HDAC4: variants seen among roughly 807,000 people sequenced by gnomAD.
HDAC4 encodes the protein histone deacetylase 4.
In HDAC4, 16 loss-of-function variants were observed where a neutral mutation model predicts 135.1. The ratio of observed to expected loss-of-function variants is 0.12; its 90% CI spans 0.08 to 0.18. The LOEUF (loss-of-function observed/expected upper bound fraction) is 0.18. HDAC4 is among the 10% of genes least tolerant of loss of function. The probability of loss-of-function intolerance (pLI) is 1.00; values close to 1 mark genes in which losing one functional copy is unlikely to be tolerated. For synonymous variants in HDAC4, 685 were observed against 653.4 expected (o/e 1.05, Z -0.74); for missense variants, 1,143 against 1,511.8 (o/e 0.76, Z 4.05).
At chr2:239,343,891 T>C (rs1692456510) in intron 2 of HDAC4, among the ~76,000 whole-genome samples, 4 of 152,192 alleles carry the variant, frequency 2.6e-5, no homozygotes, top group Admixed American at 2.6e-4. Context: ...GGTTTCCTCA[T>C]CTACAAAACA....
chr2:239,293,189 T>C (rs77449526), intron 2 of HDAC4, among the ~76,000 whole-genome samples: 4,875 of 152,242 alleles, frequency 0.032, 271 homozygotes, highest in African/African-American at 0.11. Context: ...TTTGTGTCCA[T>C]GGGATACAAA....
chr2:239,146,876 C>T lies in HDAC4; in HGVS notation c.734-2162G>A, dbSNP rs1302184889. Among the ~76,000 whole-genome samples the T allele has an allele frequency of 6.6e-6, 1 of 152,146 alleles. No homozygotes were observed. The highest frequency in any genetic ancestry group is 1.5e-5 in the Non-Finnish European group (1 of 68,030). ...TCTTCTGTCCCCTCACCTGTTTACC[C>T]CCTGCCTCCCAGCCTGCACACCTGC... On this transcript the variant is annotated intron_variant, in intron 7 of 26. Coordinates refer to ENST00000543185, the MANE Select transcript of HDAC4 (RefSeq NM_001378414.1). This position sits in a 1 kb window ranked among gnomAD's most constrained non-coding sequence, Gnocchi z 4.5.
chr2:239,281,065 TAATGTACACACGACTCTC>T (rs2050699838), intron 2 of HDAC4, among the ~76,000 whole-genome samples: 1 of 111,902 alleles, frequency 8.9e-6, no homozygotes, highest in Admixed American at 9.3e-5. Flanking sequence ...ACACCACTCT[TAATGTACACACGACTCTC>T]AATGTACACA....
chr2:239,301,048 T>C (rs1399652703), intron 2 of HDAC4, among the ~76,000 whole-genome samples: 1 of 152,196 alleles, frequency 6.6e-6, no homozygotes, highest in Non-Finnish European at 1.5e-5. Flanking sequence ...TCATTCCTCC[T>C]GCTGCTGCTG....
At chr2:239,324,942 A>G (rs1283143090) in intron 2 of HDAC4, among the ~76,000 whole-genome samples, 1 of 152,246 alleles carries the variant, frequency 6.6e-6, no homozygotes, top group Non-Finnish European at 1.5e-5. Flanking sequence ...TTCAGAAATG[A>G]GCAAGATCTT....
rs58289122 is a variant in HDAC4, at chr2:239,363,132, A to G, written c.-219-10214T>C. 4.5e-3 allele frequency among the ~76,000 whole-genome samples: 680 copies of G among 152,348 alleles called. 4 individuals carry two copies. Among genetic ancestry groups the G allele is most frequent in the African/African-American group, 0.016 (654 of 41,574 alleles). ...GTAGAAGAATTCTACATAGAAAACT[A>G]TAAAACGTAAGTGAAATTAGAGATC... is the stretch of plus-strand genomic sequence containing the variant. On this transcript the variant is annotated intron_variant, in intron 1 of 26. Transcript: ENST00000543185.
intron 1 of HDAC4, among the ~76,000 whole-genome samples, chr2:239,389,601 T>C (rs778685940): frequency 6.6e-6 from 1 of 152,102 alleles, no homozygotes; most frequent in Non-Finnish European, 1.5e-5. Flanking sequence ...AGAGGCCCGC[T>C]AAGGGATTCT....
chr2:239,057,067 A>G (rs13420067), intron 24 of HDAC4, among the ~76,000 whole-genome samples: 5,176 of 152,326 alleles, frequency 0.034, 284 homozygotes, highest in African/African-American at 0.12. Flanking sequence ...GGTGACATCC[A>G]AATACATTCT....
At chr2:239,096,836 C>A (rs2037145320) in intron 16 of HDAC4, among the ~76,000 whole-genome samples, 1 of 143,976 alleles carries the variant, frequency 6.9e-6, no homozygotes, top group African/African-American at 2.6e-5. Context: ...CTGACTCAGG[C>A]TCTTCTCACT....
intron 2 of HDAC4, among the ~76,000 whole-genome samples, chr2:239,270,198 C>A (rs949746979): frequency 6.6e-6 from 1 of 152,204 alleles, no homozygotes; most frequent in African/African-American, 2.4e-5. Flanking sequence ...TGCACTGGAG[C>A]AGCTGTGTGG....
At position 239,398,298 on chromosome 2, in the gene HDAC4, C is replaced by T. The variant is rs529589758; in HGVS notation, c.-220+2680G>A. Among the ~76,000 whole-genome samples, 3 of 152,336 alleles carry T rather than the reference C, an allele frequency of 2.0e-5. No individual in the cohort carries two copies. In the South Asian group the frequency reaches 6.2e-4, roughly 32 times the overall value. ...CTACAGGAGTGATGAAATGTTTCTTCTGCTCCGGCAATTAAGACAGCATAA... is the reference window on the plus strand; with the variant it reads ...CTACAGGAGTGATGAAATGTTTCTTTTGCTCCGGCAATTAAGACAGCATAA... On this transcript the variant is annotated intron_variant, in intron 1 of 26. Transcript: ENST00000543185.
At chr2:239,117,858 C>A (rs554209944) in intron 12 of HDAC4, among the ~76,000 whole-genome samples, 1 of 152,174 alleles carries the variant, frequency 6.6e-6, no homozygotes, top group Non-Finnish European at 1.5e-5. Flanking sequence ...ATCTCGGCAC[C>A]GCATCCGACT....
In HDAC4 at chr2:239,238,212, A is replaced by C. The variant is rs1203624742; in HGVS notation, c.23-1548T>G. Among the ~76,000 whole-genome samples the C allele has an allele frequency of 7.2e-5, 11 of 152,228 alleles. No individual in the cohort carries two copies. In the East Asian group the frequency reaches 2.1e-3, roughly 29 times the overall value. ...TCAAGCCTTTTTTTCCCCTAAAAATAAATATATTTGTATTCATTTTTATAA... is the reference window on the plus strand; with the variant it reads ...TCAAGCCTTTTTTTCCCCTAAAAATCAATATATTTGTATTCATTTTTATAA... On this transcript the variant is annotated intron_variant, in intron 2 of 26. Transcript: ENST00000543185.
At chr2:239,279,051 C>G (rs931730937) in intron 2 of HDAC4, among the ~76,000 whole-genome samples, 1 of 152,246 alleles carries the variant, frequency 6.6e-6, no homozygotes, top group Non-Finnish European at 1.5e-5. Flanking sequence ...TGGTGTGGGG[C>G]CACACCCTGC....
At position 239,335,024 on chromosome 2, in the gene HDAC4, C is replaced by CAAA. The variant is rs35641548; in HGVS notation, c.22+17651_22+17653dup. Among the ~76,000 whole-genome samples, 369 of 94,268 alleles carry CAAA rather than the reference C, an allele frequency of 3.9e-3. 13 individuals are homozygous for CAAA. Among genetic ancestry groups the CAAA allele is most frequent in the Middle Eastern group, 0.017 (3 of 174 alleles). The allele number at this position is 94,268 out of a possible 152,430, so 61.8% of individuals were successfully genotyped here. A position where few individuals can be genotyped will look rare whatever the true frequency, so the allele number is the denominator to read the frequency against. Reference sequence around the variant, plus strand: ...TGGAAGACAGAGCAAGACTCCATCTCAAAAAAAAAAAAAAAAAAAATCCAT... The same window carrying CAAA: ...TGGAAGACAGAGCAAGACTCCATCTCAAAAAAAAAAAAAAAAAAAAAAATCCAT... On this transcript the variant is annotated intron_variant, in intron 2 of 26. Coordinates refer to ENST00000543185, the MANE Select transcript of HDAC4 (RefSeq NM_001378414.1).
chr2:239,390,026 G>A (rs572536669), intron 1 of HDAC4, among the ~76,000 whole-genome samples: 1 of 152,272 alleles, frequency 6.6e-6, no homozygotes, highest in South Asian at 2.1e-4. Context: ...CAGCGGGCAG[G>A]GCCTGTGTAT....
intron 1 of HDAC4, among the ~76,000 whole-genome samples, chr2:239,379,330 G>A (rs903500115): frequency 1.3e-5 from 2 of 152,148 alleles, no homozygotes; most frequent in East Asian, 1.9e-4. Flanking sequence ...GCACCAGGCC[G>A]GTGCCAGGAG....
chr2:239,120,395 G>GCACACACAGACGCA (rs769025619), intron 12 of HDAC4, among the ~76,000 whole-genome samples: 61 of 145,314 alleles, frequency 4.2e-4, no homozygotes, highest in East Asian at 3.1e-3. Flanking sequence ...ACACACAGAC[G>GCACACACAGACGCA]CACACAGACA....
intron 18 of HDAC4, among the ~76,000 whole-genome samples, chr2:239,088,644 GCTTCT>G (rs1374245194): frequency 1.3e-5 from 2 of 152,314 alleles, no homozygotes; most frequent in East Asian, 3.9e-4. Flanking sequence ...TGTGTGAGCA[GCTTCT>G]CTTAACAATG....
Sources: allele counts gnomAD v4.1 joint callset (sites outside exome capture counted in the v4.1 genomes callset), GRCh38; gene constraint gnomAD v4.1.1; non-coding constraint Gnocchi (gnomAD v3.1); transcripts MANE v1.5; gene names NCBI Gene and HGNC (gene_info 2026-07-23, HGNC 2026-07-21).